CDKAL1: variants seen among roughly 807,000 people sequenced by gnomAD.
The protein encoded by CDKAL1 is threonylcarbamoyladenosine tRNA methylthiotransferase.
A neutral mutation model predicts 68.2 loss-of-function variants in CDKAL1; 32 were observed. That is an observed-to-expected ratio of 0.47 (90% CI 0.35 to 0.63). The LOEUF (loss-of-function observed/expected upper bound fraction) is 0.63, where lower values mean the gene tolerates loss of function less well. CDKAL1 is among the 30% of genes least tolerant of loss of function. The probability of loss-of-function intolerance (pLI) is 0.00; values close to 1 mark genes in which losing one functional copy is unlikely to be tolerated. For missense variants in CDKAL1, 606 were observed against 696.7 expected, an observed-to-expected ratio of 0.87 and a Z score of 1.47; for synonymous variants, 234 against 244.3, an observed-to-expected ratio of 0.96 and a Z score of 0.39.
intron 9 of CDKAL1, among the ~76,000 whole-genome samples, chr6:20,854,240 TCTCA>T (rs1488504712): frequency 6.6e-6 from 1 of 152,182 alleles, no homozygotes; most frequent in African/African-American, 2.4e-5. Flanking sequence ...TCAGAATCCC[TCTCA>T]CTAAGTTTTT....
At chr6:20,871,200 A>G (rs543449220) in intron 9 of CDKAL1, among the ~76,000 whole-genome samples, 1 of 152,290 alleles carries the variant, frequency 6.6e-6, no homozygotes, top group Non-Finnish European at 1.5e-5. Flanking sequence ...AGCAAGTTAT[A>G]TTGAAATAGC....
chr6:20,681,204 C>T (rs958152220), intron 5 of CDKAL1, among the ~76,000 whole-genome samples: 3 of 152,156 alleles, frequency 2.0e-5, no homozygotes, highest in African/African-American at 7.2e-5. Context: ...AGGTGAATCC[C>T]TGTAAAGAAC....
At chr6:20,609,288 TCTTCTC>T (rs1370923487) in intron 4 of CDKAL1, among the ~76,000 whole-genome samples, 2 of 144,832 alleles carry the variant, frequency 1.4e-5, no homozygotes, top group Non-Finnish European at 3.0e-5. Flanking sequence ...TCCTTCTCCT[TCTTCTC>T]CTTCTCCTCC....
Position 20,895,942 on chromosome 6 carries a change from A to C in CDKAL1, c.742+49764A>C, listed in dbSNP as rs577298890. Among the ~76,000 whole-genome samples the C allele has an allele frequency of 6.8e-4, 104 of 152,138 alleles. 1 individual carries two copies. The highest frequency in any genetic ancestry group is 9.8e-4 in the Non-Finnish European group (67 of 68,022). Reference sequence around the variant, plus strand: ...TCTCCACTGCAGCCTCTGATATGCCACCACTTACATCTGGTCTCCAACATT... The same window carrying C: ...TCTCCACTGCAGCCTCTGATATGCCCCCACTTACATCTGGTCTCCAACATT... On this transcript the variant is annotated intron_variant, in intron 9 of 15. Coordinates refer to ENST00000274695, the MANE Select transcript of CDKAL1 (RefSeq NM_017774.3).
At chr6:20,982,048 C>G (rs1203930347) in intron 10 of CDKAL1, among the ~76,000 whole-genome samples, 1 of 146,970 alleles carries the variant, frequency 6.8e-6, no homozygotes, top group Non-Finnish European at 1.5e-5. Flanking sequence ...GAAGGAAATT[C>G]TTATTTATTT....
chr6:20,982,280 A>G (rs1303650956), intron 10 of CDKAL1, among the ~76,000 whole-genome samples: 1 of 151,980 alleles, frequency 6.6e-6, no homozygotes, highest in Non-Finnish European at 1.5e-5. Context: ...GCTGGTCTCA[A>G]ACTCCTGGGT....
intron 10 of CDKAL1, among the ~76,000 whole-genome samples, chr6:20,995,782 C>A (rs183845680): frequency 6.6e-6 from 1 of 152,192 alleles, no homozygotes; most frequent in Non-Finnish European, 1.5e-5. Context: ...TATCCCCTAA[C>A]AAGAGAGTCA....
At chr6:20,778,504 G>A (rs868164821) in intron 7 of CDKAL1, among the ~76,000 whole-genome samples, 7 of 152,188 alleles carry the variant, frequency 4.6e-5, no homozygotes, top group Admixed American at 1.3e-4. Flanking sequence ...GGACCAATGG[G>A]TGTATGTATG....
intron 5 of CDKAL1, among the ~76,000 whole-genome samples, chr6:20,678,141 C>T (rs1770207328): frequency 6.7e-6 from 1 of 148,564 alleles, no homozygotes. Context: ...TTGCTTGAGT[C>T]TTGTATGGAG....
chr6:20,721,738 T>G (rs1461363353), intron 5 of CDKAL1, among the ~76,000 whole-genome samples: 4 of 140,564 alleles, frequency 2.8e-5, no homozygotes, highest in South Asian at 2.4e-4. Context: ...TTTTTTTTTT[T>G]TTTTTTTTTT....
rs540640599 is a variant in CDKAL1, at chr6:21,170,607, C to T, written c.1300-27414C>T. On this transcript the variant is annotated intron_variant, in intron 13 of 15. Transcript: ENST00000274695. The stretch of plus-strand genomic sequence containing the variant: ...CCTCCCAAAGTGCTGGGATTACAGG[C>T]GTGAGCCACCACGCCCGACCGTACT... Among the ~76,000 whole-genome samples, 15 of 152,172 alleles carry T rather than the reference C, an allele frequency of 9.9e-5. No individual in the cohort carries two copies. In the East Asian group the frequency reaches 2.9e-3, roughly 29 times the overall value.
At chr6:20,717,103 G>A (rs903056170) in intron 5 of CDKAL1, among the ~76,000 whole-genome samples, 1 of 152,024 alleles carries the variant, frequency 6.6e-6, no homozygotes, top group African/African-American at 2.4e-5. Context: ...AGCAGTTTCA[G>A]TGGAGAGGTG....
intron 15 of CDKAL1, among the ~76,000 whole-genome samples, chr6:21,210,127 C>T (rs1483762254): frequency 6.6e-6 from 1 of 152,108 alleles, no homozygotes; most frequent in Non-Finnish European, 1.5e-5. Flanking sequence ...ATTATATGGT[C>T]ATCCTATAAA....
At chr6:21,125,205 A>G (rs748194428) in intron 13 of CDKAL1, among the ~76,000 whole-genome samples, 93 of 152,200 alleles carry the variant, frequency 6.1e-4, no homozygotes, top group Non-Finnish European at 6.2e-4. Flanking sequence ...TTCTCATGAC[A>G]GTGAGTGAGT....
intron 5 of CDKAL1, among the ~76,000 whole-genome samples, chr6:20,683,816 C>A (rs970817385): frequency 5.9e-5 from 9 of 152,272 alleles, no homozygotes; most frequent in African/African-American, 2.2e-4. Flanking sequence ...ATGTATCCAC[C>A]ATTATTGTAT....
intron 13 of CDKAL1, among the ~76,000 whole-genome samples, chr6:21,167,150 A>G (rs577377795): frequency 1.6e-4 from 25 of 152,330 alleles, no homozygotes; most frequent in African/African-American, 5.5e-4. Flanking sequence ...ATTATGGGCT[A>G]CGGTTAGTTT....
intron 3 of CDKAL1, 37 bp downstream of exon 3, chr6:20,546,560 T>C (rs1194966137): frequency 1.3e-6 from 2 of 1,577,932 alleles, no homozygotes; most frequent in East Asian, 4.5e-5. Flanking sequence ...TCATTTTCTT[T>C]TTTTTTCTTT....
chr6:20,962,861 A>G (rs74744031), intron 10 of CDKAL1, among the ~76,000 whole-genome samples: 17 of 152,292 alleles, frequency 1.1e-4, no homozygotes, highest in Non-Finnish European at 2.1e-4. Context: ...ACATGTCAGT[A>G]TGTGGTTTGA....
At chr6:21,003,371 T>TATATATATATATATACACAC in intron 11 of CDKAL1, among the ~76,000 whole-genome samples, 43 of 49,272 alleles carry the variant, frequency 8.7e-4, no homozygotes, top group East Asian at 2.6e-3. Flanking sequence ...TATATATATA[T>TATATATATATATATACACAC]ACACACACAC....
Sources: allele counts gnomAD v4.1 joint callset (sites outside exome capture counted in the v4.1 genomes callset), GRCh38; gene constraint gnomAD v4.1.1; transcripts MANE v1.5; gene names NCBI Gene and HGNC (gene_info 2026-07-23, HGNC 2026-07-21).